Variants in SMIM19 observed in about 807,000 individuals in gnomAD.
SMIM19 encodes the protein UPF0697 protein C8orf40.
SMIM19 carries 6 observed loss-of-function variants against 13.2 expected under a neutral mutation model. The observed-to-expected ratio is 0.45, with a 90% CI of 0.25 to 0.90. SMIM19 has a LOEUF of 0.90. SMIM19 is among the 40% of genes least tolerant of loss of function. The probability of loss-of-function intolerance (pLI) is 0.19; values close to 1 mark genes in which losing one functional copy is unlikely to be tolerated. For missense variants in SMIM19, 138 were observed against 131.0 expected (o/e 1.05, Z -0.26); for synonymous variants, 46 against 43.1 (o/e 1.07, Z -0.27).
intron 1 of SMIM19, 152 bp downstream of exon 1, chr8:42,542,525 C>A (rs1266655286): frequency 2.1e-6 from 2 of 951,562 alleles, no homozygotes; most frequent in Non-Finnish European, 2.5e-6. Context: ...TAACAAAGTT[C>A]TAAGTGAGAG....
In SMIM19 at chr8:42,542,415, T is replaced by G. The variant is rs73632777; in HGVS notation, c.-5+42T>G. ...TTCAGAATACCAAGCCTTTAGTGTT[T>G]CAGAGGGATGAGAGAAAGAAATCCC... On this transcript the variant is annotated intron_variant, in intron 1 of 3. Coordinates refer to ENST00000417410, the MANE Select transcript of SMIM19 (RefSeq NM_001135674.2). 1.1e-3 allele frequency: 1,098 copies of G among 985,298 alleles called. 13 individuals carry two copies. In the African/African-American group the frequency reaches 0.018, roughly 16 times the overall value. The allele number at this position is 985,298 out of a possible 1,614,324, so 61.0% of individuals were successfully genotyped here.
intron 1 of SMIM19, 97 bp from the exon 2 acceptor site, chr8:42,546,372 T>C: frequency 1.4e-6 from 2 of 1,380,536 alleles, no homozygotes; most frequent in East Asian, 2.5e-5. Context: ...GGTGGTGGAC[T>C]GGATTTGGCC....
chr8:42,542,588 T>C (rs2974340), intron 1 of SMIM19: 317,597 of 498,988 alleles, frequency 0.64, 103,868 homozygotes, highest in African/African-American at 0.85. Flanking sequence ...AATTTTAGAA[T>C]CACCTAGACG....
At chr8:42,544,315 G>T (rs1356092568) in intron 1 of SMIM19, among the ~76,000 whole-genome samples, 1 of 151,948 alleles carries the variant, frequency 6.6e-6, no homozygotes, top group Non-Finnish European at 1.5e-5. Flanking sequence ...GGAGGCTGAG[G>T]CAGGGGAATG....
rs1186649738 is a variant in SMIM19 at position 42,553,082 on chromosome 8, CTG to C, written c.*476_*477del. 4 of 126,976 alleles carry C rather than the reference CTG, an allele frequency of 3.2e-5. No individual in the cohort carries two copies. The highest frequency in any genetic ancestry group is 9.3e-5 in the African/African-American group (3 of 32,398). 7.9% of individuals were successfully genotyped at this position (126,976 alleles called of 1,614,324 possible). On this transcript the variant is annotated 3_prime_UTR_variant, in exon 4 of 4. Transcript: ENST00000417410. ...TTTTTTTTTTTTTTTGAGACAGAGT[CTG>C]TTGCCCAGACTGGAGTGCAGTGGCA...
In SMIM19 at chr8:42,548,645, T is replaced by G. The variant is rs189008953; in HGVS notation, c.135-11T>G. ...ATACAAACATCTCTTCTGCATGGAT[T>G]TTGTGTTTAGGAACAAAAGGAGAAT... On this transcript the variant is annotated splice_polypyrimidine_tract_variant and intron_variant, in intron 2 of 3. Transcript: ENST00000417410. 6.2e-7 allele frequency: 1 copy of G among 1,613,356 alleles called. No homozygotes were observed. Among genetic ancestry groups the G allele is most frequent in the African/African-American group, 1.3e-5 (1 of 75,018 alleles).
chr8:42,541,853 C>T lies in SMIM19; in HGVS notation c.-525C>T, dbSNP rs1220356364. 1.3e-5 allele frequency: 2 copies of T among 151,676 alleles called. No homozygotes were observed. The highest frequency in any genetic ancestry group is 6.6e-5 in the Admixed American group (1 of 15,258). The allele number at this position is 151,676 out of a possible 1,614,324, so 9.4% of individuals were successfully genotyped here. A position where few individuals can be genotyped will look rare whatever the true frequency, so the allele number is the denominator to read the frequency against. ...CGGTCCCGTGCGGTCCCCGAAACTC[C>T]GAGCACCCGCCCGGTCCCGGCGCGG... On this transcript the variant is annotated 5_prime_UTR_variant, in exon 1 of 4. Transcript: ENST00000417410.
intron 3 of SMIM19, among the ~76,000 whole-genome samples, chr8:42,551,230 A>G (rs1045781728): frequency 2.0e-5 from 3 of 151,748 alleles, no homozygotes; most frequent in Non-Finnish European, 4.4e-5. Flanking sequence ...AGGCAGGAGA[A>G]TGGCATGAAC....
At chr8:42,551,841 G>C (rs1040074493) in intron 3 of SMIM19, among the ~76,000 whole-genome samples, 1 of 152,154 alleles carries the variant, frequency 6.6e-6, no homozygotes, top group Non-Finnish European at 1.5e-5. Flanking sequence ...CTACTTGGGA[G>C]GCTGACGTGG....
intron 1 of SMIM19, among the ~76,000 whole-genome samples, chr8:42,543,238 G>GTT (rs555798965): frequency 3.5e-4 from 54 of 152,264 alleles, no homozygotes; most frequent in Non-Finnish European, 7.2e-4. Context: ...TGTACACTTG[G>GTT]TTACACTGTG....
At chr8:42,548,879 A>G (rs1813576139) in intron 3 of SMIM19, 99 bp downstream of exon 3, 14 of 1,272,732 alleles carry the variant, frequency 1.1e-5, no homozygotes, top group African/African-American at 3.0e-5. Context: ...AATCGTAAGT[A>G]ATGAAAACTT....
chr8:42,553,052 CTTT>C lies in SMIM19; in HGVS notation c.*461_*463del, dbSNP rs35145052. The C allele has an allele frequency of 4.4e-4, 53 of 121,484 alleles. No homozygotes were observed. Among genetic ancestry groups the C allele is most frequent in the African/African-American group, 9.7e-4 (31 of 31,926 alleles). 7.5% of individuals were successfully genotyped at this position (121,484 alleles called of 1,614,324 possible). On this transcript the variant is annotated 3_prime_UTR_variant, in exon 4 of 4. Coordinates refer to ENST00000417410, the MANE Select transcript of SMIM19 (RefSeq NM_001135674.2). The stretch of plus-strand genomic sequence containing the variant: ...ACAGATTAATTTGTTGTTAACAGCT[CTTT>C]TTTTTTTTTTTTTTTTGAGACAGAG...
At chr8:42,550,721 TTTGTC>T (rs1813646438) in intron 3 of SMIM19, among the ~76,000 whole-genome samples, 4 of 152,276 alleles carry the variant, frequency 2.6e-5, no homozygotes, top group East Asian at 1.9e-4. Context: ...CAGAGTCCCT[TTTGTC>T]TTGTGAGGTA....
rs570944902 is a variant in SMIM19, at chr8:42,554,968, C to T, written c.*2360C>T. 7 of 152,324 alleles carry T rather than the reference C, an allele frequency of 4.6e-5. No individual in the cohort carries two copies. The highest frequency in any genetic ancestry group is 1.4e-4 in the African/African-American group (6 of 41,564). 9.4% of individuals were successfully genotyped at this position (152,324 alleles called of 1,614,324 possible). A position where few individuals can be genotyped will look rare whatever the true frequency, so the allele number is the denominator to read the frequency against. ...AGCTGCGTGAAGGGGAGAAGGCCGC[C>T]TCCAAGGACACAGATGTTTGCTGTT... On this transcript the variant is annotated 3_prime_UTR_variant, in exon 4 of 4. Coordinates refer to ENST00000417410, the MANE Select transcript of SMIM19 (RefSeq NM_001135674.2).
chr8:42,547,226 G>C (rs1813521807), intron 2 of SMIM19, among the ~76,000 whole-genome samples: 1 of 152,134 alleles, frequency 6.6e-6, no homozygotes, highest in African/African-American at 2.4e-5. Flanking sequence ...TGGGCGTGAT[G>C]GCGTGAGCCT....
At chr8:42,546,436 A>G (rs766911521) in intron 1 of SMIM19, 33 bp from the exon 2 acceptor site, 6 of 1,576,418 alleles carry the variant, frequency 3.8e-6, no homozygotes, top group Non-Finnish European at 5.1e-6. Flanking sequence ...ATCATTAATT[A>G]AAAGAAACCC....
Position 42,548,648 on chromosome 8 carries a change from G to C in SMIM19, c.135-8G>C. The C allele has an allele frequency of 2.5e-6, 4 of 1,613,320 alleles. No individual in the cohort carries two copies. Among genetic ancestry groups the C allele is most frequent in the Non-Finnish European group, 3.4e-6 (4 of 1,179,668 alleles). On this transcript the variant is annotated splice_polypyrimidine_tract_variant and splice_region_variant and intron_variant, in intron 2 of 3. Transcript: ENST00000417410. Reference sequence around the variant, plus strand: ...CAAACATCTCTTCTGCATGGATTTTGTGTTTAGGAACAAAAGGAGAATTAT... The same window carrying C: ...CAAACATCTCTTCTGCATGGATTTTCTGTTTAGGAACAAAAGGAGAATTAT...
intron 3 of SMIM19, among the ~76,000 whole-genome samples, chr8:42,551,746 C>A (rs1813680952): frequency 6.6e-6 from 1 of 151,952 alleles, no homozygotes; most frequent in African/African-American, 2.4e-5. Flanking sequence ...GTTCAAAGAC[C>A]AGCCTGGGCA....
chr8:42,544,933 A>T (rs897544178), intron 1 of SMIM19, among the ~76,000 whole-genome samples: 3 of 152,370 alleles, frequency 2.0e-5, no homozygotes, highest in Admixed American at 1.3e-4. Context: ...CCTGCAAGAC[A>T]TTTTAGTGAA....
Sources: gnomAD v4.1 joint callset for allele counts (sites outside exome capture counted in the v4.1 genomes callset) on GRCh38, gnomAD v4.1.1 for gene constraint, MANE v1.5 for transcripts, NCBI Gene and HGNC (gene_info 2026-07-23, HGNC 2026-07-21) for gene names.